SLMAP: variants seen among roughly 807,000 people sequenced by gnomAD.
SLMAP encodes the protein sarcolemmal membrane-associated protein.
Under a neutral mutation model 128.8 loss-of-function variants are expected in SLMAP, and 44 were observed. The observed-to-expected ratio is 0.34, with a 90% CI of 0.27 to 0.44. The LOEUF (loss-of-function observed/expected upper bound fraction) is 0.44, where lower values mean the gene tolerates loss of function less well. SLMAP is among the 20% of genes least tolerant of loss of function. The pLI is 1.00. For missense variants in SLMAP, 787 were observed against 985.3 expected, an observed-to-expected ratio of 0.80 and a Z score of 2.69; for synonymous variants, 327 against 348.8, an observed-to-expected ratio of 0.94 and a Z score of 0.70.
At chr3:57,771,915 T>G (rs554896598) in intron 2 of SLMAP, among the ~76,000 whole-genome samples, 171 of 152,346 alleles carry the variant, frequency 1.1e-3, no homozygotes, top group African/African-American at 4.0e-3. Flanking sequence ...TCCGCCTTAC[T>G]TGAAGATTTG....
intron 2 of SLMAP, among the ~76,000 whole-genome samples, chr3:57,767,691 C>T (rs1273852772): frequency 1.3e-5 from 2 of 152,116 alleles, no homozygotes; most frequent in African/African-American, 4.8e-5. Context: ...CAGTCTGGCT[C>T]GCTTTTGTCC....
At chr3:57,865,755 G>A (rs1037923326) in intron 13 of SLMAP, among the ~76,000 whole-genome samples, 1 of 152,112 alleles carries the variant, frequency 6.6e-6, no homozygotes, top group Non-Finnish European at 1.5e-5. Flanking sequence ...AGTTTTTTCT[G>A]CCATCAGAAA....
At position 57,863,980 on chromosome 3, in the gene SLMAP, G is replaced by A. The variant is rs148453640; in HGVS notation, c.967-568G>A. 4.2e-4 allele frequency among the ~76,000 whole-genome samples: 64 copies of A among 151,646 alleles called. No individual in the cohort carries two copies. In the East Asian group the frequency reaches 8.5e-3, roughly 20 times the overall value. On this transcript the variant is annotated intron_variant, in intron 10 of 24. Transcript: ENST00000671191. The stretch of plus-strand genomic sequence containing the variant: ...AAAATACGATTTTTTTTTCCACATT[G>A]ACCCTTTACCTCTGTGTGTACTGAG...
chr3:57,863,975 A>G (rs1203474604), intron 10 of SLMAP, among the ~76,000 whole-genome samples: 4 of 152,020 alleles, frequency 2.6e-5, no homozygotes, highest in Non-Finnish European at 5.9e-5. Flanking sequence ...TTTTTTTTCC[A>G]CATTGACCCT....
intron 2 of SLMAP, among the ~76,000 whole-genome samples, chr3:57,776,506 TTC>T (rs397932536): frequency 6.2e-5 from 8 of 129,040 alleles, no homozygotes; most frequent in Admixed American, 2.5e-4. Flanking sequence ...GATTTGTCCC[TTC>T]TCTCTCTCTC....
At chr3:57,861,917 C>G (rs1462170190) in intron 9 of SLMAP, 32 bp from the exon 10 acceptor site, 2 of 1,575,746 alleles carry the variant, frequency 1.3e-6, no homozygotes, top group East Asian at 2.2e-5. Context: ...TACACTTATT[C>G]TAATTAAATT....
chr3:57,925,380 G>C (rs2096988978), intron 23 of SLMAP, among the ~76,000 whole-genome samples: 1 of 150,800 alleles, frequency 6.6e-6, no homozygotes, highest in Admixed American at 6.6e-5. Flanking sequence ...ACCCAGCTTG[G>C]AGTGCAGTGG....
At chr3:57,763,977 G>A (rs960435631) in intron 2 of SLMAP, among the ~76,000 whole-genome samples, 4 of 152,112 alleles carry the variant, frequency 2.6e-5, no homozygotes, top group African/African-American at 9.7e-5. Flanking sequence ...CATCTATTCT[G>A]TGTGATGTTC....
intron 2 of SLMAP, among the ~76,000 whole-genome samples, chr3:57,771,834 C>T (rs539399252): frequency 2.0e-4 from 30 of 152,264 alleles, no homozygotes; most frequent in East Asian, 9.6e-4. Flanking sequence ...TTGATTAATG[C>T]GTGTTATCCA....
chr3:57,855,373 G>A (rs2094718135), intron 6 of SLMAP, among the ~76,000 whole-genome samples: 1 of 151,768 alleles, frequency 6.6e-6, no homozygotes, highest in African/African-American at 2.4e-5. Context: ...GCAAGGCTCT[G>A]TCTCAAAAAA....
intron 2 of SLMAP, among the ~76,000 whole-genome samples, chr3:57,804,445 A>T (rs1317559812): frequency 1.3e-5 from 2 of 152,166 alleles, no homozygotes; most frequent in Non-Finnish European, 2.9e-5. Context: ...ATAAGTTTTG[A>T]CTTATTAAAA....
At chr3:57,866,426 A>G (rs1442111169) in intron 13 of SLMAP, among the ~76,000 whole-genome samples, 2 of 152,294 alleles carry the variant, frequency 1.3e-5, no homozygotes, top group South Asian at 2.1e-4. Flanking sequence ...GGTTTTAATC[A>G]AGAGCTGGCA....
At chr3:57,762,912 A>G (rs1200689797) in intron 2 of SLMAP, among the ~76,000 whole-genome samples, 1 of 151,968 alleles carries the variant, frequency 6.6e-6, no homozygotes, top group Non-Finnish European at 1.5e-5. Flanking sequence ...TTTAGTAGAG[A>G]CAGGGTTTCA....
At chr3:57,882,077 C>T (rs546880139) in intron 14 of SLMAP, among the ~76,000 whole-genome samples, 2 of 152,184 alleles carry the variant, frequency 1.3e-5, no homozygotes, top group South Asian at 4.1e-4. Flanking sequence ...ACTGTTCAAA[C>T]TTTTTATATA....
chr3:57,883,946 T>G (rs1226401422), intron 14 of SLMAP, among the ~76,000 whole-genome samples: 1 of 150,506 alleles, frequency 6.6e-6, no homozygotes, highest in Non-Finnish European at 1.5e-5. Flanking sequence ...TCTTTTTTTT[T>G]TTTTTTTGAG....
Position 57,823,104 on chromosome 3 carries a change from A to G in SLMAP, c.199-8279A>G, listed in dbSNP as rs1472472876. On this transcript the variant is annotated intron_variant, in intron 2 of 24. Transcript: ENST00000671191. ...AAAAGCATACAAGAAAGAGGAAAGT[A>G]TGGCCCATTGCTGGGGGGAAAAATG... Among the ~76,000 whole-genome samples, 3 of 152,306 alleles carry G rather than the reference A, an allele frequency of 2.0e-5. No homozygotes were observed. In the East Asian group the frequency reaches 5.8e-4, roughly 29 times the overall value.
intron 10 of SLMAP, among the ~76,000 whole-genome samples, chr3:57,864,205 C>T (rs536837446): frequency 1.1e-4 from 17 of 152,160 alleles, no homozygotes; most frequent in Non-Finnish European, 1.8e-4. Context: ...GTCAGGCGTT[C>T]GAGACCAGCC....
Position 57,757,766 on chromosome 3 carries a change from C to G in SLMAP, c.115C>G (p.Pro39Ala). The change falls in exon 2 of 25, where the codon CCA (proline) becomes GCA (alanine). Residue 39 changes from proline to alanine, a missense_variant. Physicochemically the swap from Pro to Ala is conservative, Grantham distance 27 (BLOSUM62 -1). This residue lies in a region of SLMAP where 72 missense variants were observed against 141.8 expected (regional missense o/e 0.51). Coordinates refer to ENST00000671191, the MANE Select transcript of SLMAP (RefSeq NM_001377540.1). The stretch of plus-strand genomic sequence containing the variant: ...CGGCCGCTCAGTGGCCCGCTGTCGA[C>G]CAGCGCAGAATAATGCCACTTTTGA... ...KIGRSVARCR[P>A]AQNNATFDCK... 1 of 1,614,176 alleles carries G rather than the reference C, an allele frequency of 6.2e-7. No individual in the cohort carries two copies. The highest frequency in any genetic ancestry group is 8.5e-7 in the Non-Finnish European group (1 of 1,180,018).
intron 4 of SLMAP, among the ~76,000 whole-genome samples, chr3:57,842,472 T>C (rs927972501): frequency 1.3e-5 from 2 of 152,194 alleles, no homozygotes; most frequent in Non-Finnish European, 2.9e-5. Flanking sequence ...ATAACTTAGC[T>C]TTTAAGAGTT....
Sources: gnomAD v4.1 joint callset for allele counts (sites outside exome capture counted in the v4.1 genomes callset) on GRCh38, gnomAD v4.1.1 for gene constraint, gnomAD v4.1.1 regional missense constraint, MANE v1.5 for transcripts, NCBI Gene and HGNC (gene_info 2026-07-23, HGNC 2026-07-21) for gene names.